The following NEGR1 variants were observed in gnomAD, a reference collection of about 807,000 sequenced individuals.
NEGR1 encodes the protein neuronal growth regulator 1.
In NEGR1, 10 loss-of-function variants were observed where a neutral mutation model predicts 40.9. That is an observed-to-expected ratio of 0.24 (90% confidence interval 0.15 to 0.42). The LOEUF (loss-of-function observed/expected upper bound fraction) is 0.42. Ranked by LOEUF, NEGR1 falls within the 10% of genes least tolerant of loss-of-function variation. NEGR1 has a pLI of 1.00. For synonymous variants in NEGR1, 185 were observed against 166.8 expected, an observed-to-expected ratio of 1.11 and a Z score of -0.84; for missense variants, 352 against 438.9, an observed-to-expected ratio of 0.80 and a Z score of 1.77.
At chr1:71,633,491 A>G (rs1208588934) in intron 4 of NEGR1, among the ~76,000 whole-genome samples, 1 of 152,094 alleles carries the variant, frequency 6.6e-6, no homozygotes, top group Non-Finnish European at 1.5e-5. Context: ...GATTGGCTCA[A>G]TTCAGTTCAG....
chr1:72,107,046 T>G (rs371421034), intron 1 of NEGR1, among the ~76,000 whole-genome samples: 83 of 151,860 alleles, frequency 5.5e-4, no homozygotes, highest in African/African-American at 1.7e-3. Flanking sequence ...CCCTTGTTAT[T>G]AGGTCTGTAT....
chr1:72,079,110 TAATATTATATAC>T, intron 1 of NEGR1, among the ~76,000 whole-genome samples: 1 of 143,324 alleles, frequency 7.0e-6, no homozygotes, highest in African/African-American at 2.5e-5. Flanking sequence ...TATATATATA[TAATATTATATAC>T]ATAATCTCTC....
At chr1:71,722,319 T>C (rs1654535936) in intron 3 of NEGR1, among the ~76,000 whole-genome samples, 1 of 152,130 alleles carries the variant, frequency 6.6e-6, no homozygotes, top group African/African-American at 2.4e-5. Context: ...TTTCTTACCT[T>C]CAGAAATATG....
chr1:71,652,450 T>C (rs1651747727), intron 4 of NEGR1, among the ~76,000 whole-genome samples: 1 of 152,160 alleles, frequency 6.6e-6, no homozygotes, highest in Non-Finnish European at 1.5e-5. Flanking sequence ...TAAAGTTATA[T>C]GGAAACGCAG....
intron 4 of NEGR1, among the ~76,000 whole-genome samples, chr1:71,638,175 G>T (rs11588704): frequency 1.3e-5 from 2 of 151,806 alleles, no homozygotes; most frequent in African/African-American, 4.8e-5. Flanking sequence ...TAATCTTAGA[G>T]AAAATATTAT....
chr1:71,755,346 C>T (rs1258314040), intron 3 of NEGR1, among the ~76,000 whole-genome samples: 4 of 152,202 alleles, frequency 2.6e-5, no homozygotes, highest in Non-Finnish European at 4.4e-5. Context: ...CCCTCTTCTG[C>T]TTCATGCTTT....
intron 6 of NEGR1, among the ~76,000 whole-genome samples, chr1:71,437,018 A>C (rs1459059134): frequency 6.6e-6 from 1 of 152,112 alleles, no homozygotes; most frequent in East Asian, 1.9e-4. Context: ...GTATATTCTT[A>C]CCTATGCGTT....
At chr1:72,125,647 G>C (rs1053251583) in intron 1 of NEGR1, among the ~76,000 whole-genome samples, 5 of 152,078 alleles carry the variant, frequency 3.3e-5, no homozygotes, top group African/African-American at 1.2e-4. Context: ...GTATTAAATG[G>C]ACCAAATATA....
chr1:72,247,876 T>C (rs1194282), intron 1 of NEGR1, among the ~76,000 whole-genome samples: 75,383 of 151,974 alleles, frequency 0.5, 19,744 homozygotes, highest in African/African-American at 0.65. Flanking sequence ...CTCACAGTTC[T>C]GCAGGCTTTT....
chr1:71,948,904 C>A (rs1646044616), intron 1 of NEGR1, among the ~76,000 whole-genome samples: 1 of 152,064 alleles, frequency 6.6e-6, no homozygotes, highest in Non-Finnish European at 1.5e-5. Flanking sequence ...TATCATCTCT[C>A]AAGGTCAGAA....
chr1:71,950,361 A>G (rs1199942745), intron 1 of NEGR1, among the ~76,000 whole-genome samples: 1 of 152,046 alleles, frequency 6.6e-6, no homozygotes, highest in Non-Finnish European at 1.5e-5. Context: ...AATGCATGGG[A>G]ATTATAAATT....
intron 6 of NEGR1, among the ~76,000 whole-genome samples, chr1:71,415,641 A>T (rs1646350175): frequency 6.6e-6 from 1 of 152,130 alleles, no homozygotes; most frequent in Admixed American, 6.6e-5. Context: ...GCTATCTTTT[A>T]TTATCCTTCC....
At chr1:71,967,225 A>T (rs188018653) in intron 1 of NEGR1, among the ~76,000 whole-genome samples, 3 of 152,344 alleles carry the variant, frequency 2.0e-5, no homozygotes, top group Admixed American at 2.0e-4. Flanking sequence ...CTGATATTAT[A>T]CTTGCAAAAT....
intron 2 of NEGR1, among the ~76,000 whole-genome samples, chr1:71,924,269 C>G (rs540976251): frequency 3.9e-5 from 6 of 152,248 alleles, no homozygotes; most frequent in African/African-American, 1.4e-4. Context: ...TTCGGTCTAC[C>G]ACAAGGGGTA....
intron 6 of NEGR1, among the ~76,000 whole-genome samples, chr1:71,441,984 A>C (rs897721325): frequency 6.6e-6 from 1 of 152,222 alleles, no homozygotes; most frequent in African/African-American, 2.4e-5. Context: ...ACTTTTGTAA[A>C]TATATCAATT....
At chr1:71,685,041 T>A (rs952130736) in intron 4 of NEGR1, among the ~76,000 whole-genome samples, 5 of 152,226 alleles carry the variant, frequency 3.3e-5, no homozygotes, top group African/African-American at 1.2e-4. Flanking sequence ...TATATCGGTA[T>A]ATAATAAATA....
chr1:71,432,883 C>T (rs958811969), intron 6 of NEGR1, among the ~76,000 whole-genome samples: 1 of 152,196 alleles, frequency 6.6e-6, no homozygotes, highest in Non-Finnish European at 1.5e-5. Flanking sequence ...TCCCCATGAA[C>T]ATGGCTTAAT....
At chr1:71,432,100 T>A (rs1025346987) in intron 6 of NEGR1, among the ~76,000 whole-genome samples, 1 of 151,942 alleles carries the variant, frequency 6.6e-6, no homozygotes, top group African/African-American at 2.4e-5. Context: ...AGAGGGAACT[T>A]TGGATTTTAT....
intron 2 of NEGR1, among the ~76,000 whole-genome samples, chr1:71,853,697 T>C (rs1247806131): frequency 2.0e-5 from 3 of 152,230 alleles, no homozygotes; most frequent in East Asian, 3.9e-4. Context: ...CTGTCCACAA[T>C]AGACAGATCC....
Sources: allele counts gnomAD v4.1 joint callset (sites outside exome capture counted in the v4.1 genomes callset), GRCh38; gene constraint gnomAD v4.1.1; transcripts MANE v1.5; gene names NCBI Gene and HGNC (gene_info 2026-07-23, HGNC 2026-07-21).